Variants in GRIK4 observed in about 807,000 individuals in gnomAD.
The protein encoded by GRIK4 is glutamate ionotropic receptor kainate type subunit 4, also known as glutamate receptor ionotropic, kainate 4.
GRIK4 carries 40 observed loss-of-function variants against 104.9 expected under a neutral mutation model. The ratio of observed to expected loss-of-function variants is 0.38; its 90% CI spans 0.30 to 0.50. The LOEUF is 0.50. Among genes scored for constraint, GRIK4 ranks in the 20% least tolerant of loss-of-function variants. The pLI is 0.93. For missense variants in GRIK4, 1,047 were observed against 1,308.1 expected, an observed-to-expected ratio of 0.80 and a Z score of 3.08; for synonymous variants, 485 against 524.9, an observed-to-expected ratio of 0.92 and a Z score of 1.04.
chr11:120,541,659 T>G (rs1160170813), intron 1 of GRIK4, among the ~76,000 whole-genome samples: 2 of 152,056 alleles, frequency 1.3e-5, no homozygotes, highest in African/African-American at 4.8e-5. Flanking sequence ...CCTGGCTAAT[T>G]TTAGTATTTT....
intron 4 of GRIK4, among the ~76,000 whole-genome samples, chr11:120,812,914 G>A (rs1268495680): frequency 6.6e-6 from 1 of 152,234 alleles, no homozygotes; most frequent in Non-Finnish European, 1.5e-5. Context: ...GGTGGGAGAA[G>A]GAAGAGGAGT....
chr11:120,633,595 A>G (rs1277473481), intron 1 of GRIK4, among the ~76,000 whole-genome samples: 1 of 152,236 alleles, frequency 6.6e-6, no homozygotes, highest in Non-Finnish European at 1.5e-5. Context: ...TTTATTAATA[A>G]AGATAAATTT....
intron 3 of GRIK4, among the ~76,000 whole-genome samples, chr11:120,679,056 G>T (rs1307516331): frequency 6.6e-6 from 1 of 152,112 alleles, no homozygotes; most frequent in Non-Finnish European, 1.5e-5. Flanking sequence ...TGAGATAAGA[G>T]TTGGGACTTC....
At chr11:120,973,513 G>A (rs4635090) in intron 19 of GRIK4, among the ~76,000 whole-genome samples, 40,136 of 152,134 alleles carry the variant, frequency 0.26, 6,529 homozygotes, top group Admixed American at 0.39. Context: ...GTCTCTCTAC[G>A]GTCATCCTTT....
At chr11:120,661,877 G>A (rs571206474) in intron 3 of GRIK4, among the ~76,000 whole-genome samples, 14 of 152,034 alleles carry the variant, frequency 9.2e-5, no homozygotes, top group East Asian at 3.9e-4. Context: ...CCTCTTCTCC[G>A]TTCATTTTTA....
At chr11:120,732,638 T>C (rs1229686901) in intron 3 of GRIK4, among the ~76,000 whole-genome samples, 1 of 152,246 alleles carries the variant, frequency 6.6e-6, no homozygotes, top group East Asian at 1.9e-4. Context: ...TGTGTGTTTA[T>C]GTAGTTCCCC....
chr11:120,891,247 C>T (rs1244269215), intron 11 of GRIK4, among the ~76,000 whole-genome samples: 2 of 152,154 alleles, frequency 1.3e-5, no homozygotes, highest in Non-Finnish European at 2.9e-5. Context: ...CTGACTGCAG[C>T]CTGGAAGGAA....
intron 12 of GRIK4, among the ~76,000 whole-genome samples, 156 bp downstream of exon 12, chr11:120,898,795 A>C (rs1412320168): frequency 6.6e-6 from 1 of 152,178 alleles, no homozygotes; most frequent in African/African-American, 2.4e-5. Flanking sequence ...TTGCTGTTTC[A>C]TATGGAAATG....
intron 2 of GRIK4, among the ~76,000 whole-genome samples, chr11:120,655,879 A>G (rs980730941): frequency 2.6e-5 from 4 of 152,146 alleles, no homozygotes; most frequent in Admixed American, 6.5e-5. Flanking sequence ...CCTTCTTTTT[A>G]GGACAAGGTG....
At chr11:120,895,693 G>C (rs891466428) in intron 11 of GRIK4, among the ~76,000 whole-genome samples, 1 of 152,124 alleles carries the variant, frequency 6.6e-6, no homozygotes, top group Admixed American at 6.5e-5. Context: ...CCTGCCATCC[G>C]GGGAACCTTA....
chr11:120,554,402 C>A (rs1001160855), intron 1 of GRIK4, among the ~76,000 whole-genome samples: 11 of 152,174 alleles, frequency 7.2e-5, no homozygotes, highest in African/African-American at 2.7e-4. Context: ...TGTCTCCCAA[C>A]CTTGCAGCCC....
chr11:120,827,989 A>G (rs1953311611), intron 6 of GRIK4, among the ~76,000 whole-genome samples: 1 of 152,182 alleles, frequency 6.6e-6, no homozygotes. Flanking sequence ...AGCTGCCAAG[A>G]GCTAGCCTGC....
chr11:120,666,829 G>T (rs745421958), intron 3 of GRIK4, among the ~76,000 whole-genome samples: 1 of 152,190 alleles, frequency 6.6e-6, no homozygotes, highest in Non-Finnish European at 1.5e-5. Flanking sequence ...AAAGAGTGAT[G>T]GTGATATTTC....
intron 14 of GRIK4, among the ~76,000 whole-genome samples, chr11:120,944,564 A>G (rs1387367076): frequency 6.6e-6 from 1 of 152,044 alleles, no homozygotes; most frequent in African/African-American, 2.4e-5. Context: ...TGGTCATCTC[A>G]CCTCCCAAAG....
At chr11:120,568,229 C>T (rs1217732027) in intron 1 of GRIK4, among the ~76,000 whole-genome samples, 1 of 152,144 alleles carries the variant, frequency 6.6e-6, no homozygotes, top group African/African-American at 2.4e-5. Flanking sequence ...CAAAGACTCA[C>T]AACCTCTTAA....
intron 1 of GRIK4, among the ~76,000 whole-genome samples, chr11:120,586,004 TC>T (rs59549666): frequency 0.12 from 17,998 of 152,124 alleles, 3,537 homozygotes; most frequent in African/African-American, 0.41. Flanking sequence ...CATAAGAGTG[TC>T]CAGGAGACAG....
At chr11:120,550,518 G>A (rs762706325) in intron 1 of GRIK4, among the ~76,000 whole-genome samples, 2 of 152,102 alleles carry the variant, frequency 1.3e-5, no homozygotes, top group African/African-American at 2.4e-5. Flanking sequence ...AAAGGAAGAG[G>A]CAATGTAGGA....
At chr11:120,534,284 A>G (rs1009666549) in intron 1 of GRIK4, among the ~76,000 whole-genome samples, 1 of 152,226 alleles carries the variant, frequency 6.6e-6, no homozygotes, top group Admixed American at 6.5e-5. Flanking sequence ...TTGCAGAAGA[A>G]GGTGACGGAT....
At chr11:120,600,409 T>A (rs1948869295) in intron 1 of GRIK4, among the ~76,000 whole-genome samples, 1 of 152,244 alleles carries the variant, frequency 6.6e-6, no homozygotes, top group Non-Finnish European at 1.5e-5. Flanking sequence ...CAGCTTTGGC[T>A]GCCTGAATGG....
Sources: allele counts gnomAD v4.1 joint callset (sites outside exome capture counted in the v4.1 genomes callset), GRCh38; gene constraint gnomAD v4.1.1; transcripts MANE v1.5; gene names NCBI Gene and HGNC (gene_info 2026-07-23, HGNC 2026-07-21).